Variants in PELI2 observed in about 807,000 individuals in gnomAD.
PELI2 encodes E3 ubiquitin-protein ligase pellino homolog 2.
Under a neutral mutation model 42.3 loss-of-function variants are expected in PELI2, and 23 were observed. That is an observed-to-expected ratio of 0.54 (90% CI 0.39 to 0.77). The LOEUF is 0.77. PELI2 is among the 30% of genes least tolerant of loss of function. The probability of loss-of-function intolerance (pLI) is 0.00; values close to 1 mark genes in which losing one functional copy is unlikely to be tolerated. For missense variants in PELI2, 463 were observed against 553.2 expected (o/e 0.84, Z 1.64); for synonymous variants, 245 against 212.2 (o/e 1.15, Z -1.34).
chr14:56,133,680 A>G (rs1566598878), intron 1 of PELI2, among the ~76,000 whole-genome samples: 2 of 152,156 alleles, frequency 1.3e-5, no homozygotes, highest in African/African-American at 4.8e-5. Context: ...AACCTGCTCA[A>G]CTGATAGGAT....
intron 2 of PELI2, among the ~76,000 whole-genome samples, chr14:56,238,180 G>T (rs1338322086): frequency 1.3e-5 from 2 of 152,022 alleles, no homozygotes; most frequent in African/African-American, 4.8e-5. Flanking sequence ...GAAGTTGGTA[G>T]GTATTCAGTT....
intron 5 of PELI2, 76 bp from the exon 6 acceptor site, chr14:56,296,524 G>T (rs1890007915): frequency 6.9e-6 from 7 of 1,019,752 alleles, no homozygotes; most frequent in Admixed American, 4.6e-5. Flanking sequence ...TTTTTTGCTT[G>T]TTCTGAGAGG....
chr14:56,235,133 G>A (rs1167521617), intron 2 of PELI2, among the ~76,000 whole-genome samples: 1 of 152,010 alleles, frequency 6.6e-6, no homozygotes, highest in Non-Finnish European at 1.5e-5. Flanking sequence ...AAAGGTAATT[G>A]TGTTTTTCAT....
chr14:56,295,818 C>T (rs1050213616), intron 5 of PELI2, among the ~76,000 whole-genome samples: 1 of 152,156 alleles, frequency 6.6e-6, no homozygotes, highest in African/African-American at 2.4e-5. Flanking sequence ...CTTTACTGGC[C>T]TTCATGCACT....
chr14:56,164,312 C>T (rs1055592334), intron 1 of PELI2, among the ~76,000 whole-genome samples: 1 of 151,940 alleles, frequency 6.6e-6, no homozygotes, highest in Non-Finnish European at 1.5e-5. Context: ...TCCATTTTAT[C>T]CTTCATTGTG....
At chr14:56,201,341 G>A (rs913624626) in intron 2 of PELI2, among the ~76,000 whole-genome samples, 3 of 152,142 alleles carry the variant, frequency 2.0e-5, no homozygotes, top group Non-Finnish European at 4.4e-5. Flanking sequence ...ACTTAAGTAG[G>A]CCTGCAAGCC....
At chr14:56,272,980 G>T (rs1889156044) in intron 2 of PELI2, among the ~76,000 whole-genome samples, 1 of 152,154 alleles carries the variant, frequency 6.6e-6, no homozygotes, top group Non-Finnish European at 1.5e-5. Context: ...TAAGCTGATT[G>T]TTTCAGTTGT....
At chr14:56,223,668 C>G (rs767389188) in intron 2 of PELI2, among the ~76,000 whole-genome samples, 20 of 152,272 alleles carry the variant, frequency 1.3e-4, no homozygotes, top group Non-Finnish European at 2.9e-4. Flanking sequence ...TCTTTTCATA[C>G]TAGAAAATAT....
At position 56,287,686 on chromosome 14, in the gene PELI2, G is replaced by C. The variant is rs11628793; in HGVS notation, c.310-751G>C. On this transcript the variant is annotated intron_variant, in intron 3 of 5. Transcript: ENST00000267460. ...AAAACAAAAGAAAATAGATGTCTGT[G>C]GTCTGCTGGTTTTAGAGAGATAGTC... is the stretch of plus-strand genomic sequence containing the variant. Among the ~76,000 whole-genome samples the C allele has an allele frequency of 3.3e-5, 5 of 152,126 alleles. No homozygotes were observed. In the East Asian group the frequency reaches 9.6e-4, roughly 29 times the overall value.
At chr14:56,204,490 G>A (rs995329086) in intron 2 of PELI2, among the ~76,000 whole-genome samples, 3 of 152,180 alleles carry the variant, frequency 2.0e-5, no homozygotes, top group Non-Finnish European at 4.4e-5. Flanking sequence ...TTTTCTTGGA[G>A]GGAGTAGAAC....
At position 56,197,128 on chromosome 14, in the gene PELI2, C is replaced by T. The variant is rs747836447; in HGVS notation, c.207+18664C>T. Among the ~76,000 whole-genome samples the T allele has an allele frequency of 6.6e-6, 1 of 151,996 alleles. No individual in the cohort carries two copies. Among genetic ancestry groups the T allele is most frequent in the African/African-American group, 2.4e-5 (1 of 41,364 alleles). On this transcript the variant is annotated intron_variant, in intron 2 of 5. Transcript: ENST00000267460. The surrounding 1 kb of genome is among the most constrained non-coding windows in gnomAD (Gnocchi z 4.9). ...TGGGATGAGTTAAGACAAACATGGTCCCTGCACAAATGGAGGTTGTAGGGT... is the reference window on the plus strand; with the variant it reads ...TGGGATGAGTTAAGACAAACATGGTTCCTGCACAAATGGAGGTTGTAGGGT...
intron 2 of PELI2, among the ~76,000 whole-genome samples, chr14:56,227,800 T>C (rs944938883): frequency 6.6e-6 from 1 of 152,094 alleles, no homozygotes; most frequent in African/African-American, 2.4e-5. Flanking sequence ...GACCTGAACA[T>C]TGTGTTGTGC....
intron 2 of PELI2, among the ~76,000 whole-genome samples, chr14:56,260,791 G>C (rs996490561): frequency 6.6e-6 from 1 of 152,152 alleles, no homozygotes; most frequent in Non-Finnish European, 1.5e-5. Context: ...CTTTGCCTGG[G>C]GTCAGCCCAT....
intron 1 of PELI2, among the ~76,000 whole-genome samples, chr14:56,130,720 A>C (rs980035790): frequency 5.9e-5 from 9 of 151,946 alleles, no homozygotes; most frequent in African/African-American, 2.2e-4. Context: ...ATTATATATA[A>C]TTATATATCA....
intron 2 of PELI2, among the ~76,000 whole-genome samples, chr14:56,217,699 A>G (rs965688825): frequency 6.6e-6 from 1 of 152,242 alleles, no homozygotes; most frequent in African/African-American, 2.4e-5. Context: ...TAATAGAAAA[A>G]GGCAGTTTAT....
At chr14:56,253,251 A>G (rs930436601) in intron 2 of PELI2, among the ~76,000 whole-genome samples, 2 of 152,228 alleles carry the variant, frequency 1.3e-5, no homozygotes, top group Non-Finnish European at 2.9e-5. Flanking sequence ...ATCACACTGA[A>G]TGGGCCAAAG....
intron 1 of PELI2, among the ~76,000 whole-genome samples, chr14:56,169,694 T>A (rs1422419065): frequency 2.0e-5 from 3 of 152,236 alleles, no homozygotes; most frequent in Non-Finnish European, 4.4e-5. Context: ...AAGGTGTTTT[T>A]TCTGTGTAGA....
chr14:56,170,504 G>C (rs1365034299), intron 1 of PELI2, among the ~76,000 whole-genome samples: 2 of 152,208 alleles, frequency 1.3e-5, no homozygotes, highest in Non-Finnish European at 2.9e-5. Context: ...CTACTGGAAA[G>C]AGTATGAAAT....
At chr14:56,132,630 C>G (rs1883533005) in intron 1 of PELI2, among the ~76,000 whole-genome samples, 1 of 152,148 alleles carries the variant, frequency 6.6e-6, no homozygotes. Flanking sequence ...TTCCTGTTAC[C>G]TCCATTCAGA....
Sources: allele counts gnomAD v4.1 joint callset (sites outside exome capture counted in the v4.1 genomes callset), GRCh38; gene constraint gnomAD v4.1.1; non-coding constraint Gnocchi (gnomAD v3.1); transcripts MANE v1.5; gene names NCBI Gene and HGNC (gene_info 2026-07-23, HGNC 2026-07-21).